The following TNKS variants were observed in gnomAD, a reference collection of about 807,000 sequenced individuals.
The protein encoded by TNKS is poly [ADP-ribose] polymerase tankyrase-1.
Under a neutral mutation model 135.8 loss-of-function variants are expected in TNKS, and 72 were observed. The ratio of observed to expected loss-of-function variants is 0.53; its 90% CI spans 0.44 to 0.64. The LOEUF (loss-of-function observed/expected upper bound fraction) is 0.64, where lower values mean the gene tolerates loss of function less well. Ranked by LOEUF, TNKS falls within the 30% of genes least tolerant of loss-of-function variation. The pLI, the probability that TNKS is intolerant of heterozygous loss-of-function variation, is 0.00. For missense variants in TNKS, 1,769 were observed against 1,674.0 expected (o/e 1.06, Z -0.99); for synonymous variants, 849 against 649.3 (o/e 1.31, Z -4.68).
Position 9,777,239 on chromosome 8 carries a change from C to G in TNKS, c.*503C>G, listed in dbSNP as rs1808270731. On this transcript the variant is annotated 3_prime_UTR_variant, in exon 27 of 27. Coordinates refer to ENST00000310430, the MANE Select transcript of TNKS (RefSeq NM_003747.3). ...GGTTACTTTGAAAATGAGCCAGAGCCTTCTTGAGGATATTTTGCACAAAGT... is the reference window on the plus strand; with the variant it reads ...GGTTACTTTGAAAATGAGCCAGAGCGTTCTTGAGGATATTTTGCACAAAGT... 6.4e-6 allele frequency: 1 copy of G among 155,724 alleles called. No individual in the cohort carries two copies. The highest frequency in any genetic ancestry group is 2.4e-5 in the African/African-American group (1 of 41,420). The allele number at this position is 155,724 out of a possible 1,614,324, so 9.6% of individuals were successfully genotyped here.
chr8:9,703,110 G>A (rs1803891097), intron 5 of TNKS, among the ~76,000 whole-genome samples: 1 of 152,154 alleles, frequency 6.6e-6, no homozygotes, highest in African/African-American at 2.4e-5. Context: ...TAACGTTTCA[G>A]GAGCCCGGTA....
At chr8:9,625,320 A>G (rs538917197) in intron 3 of TNKS, among the ~76,000 whole-genome samples, 20 of 151,720 alleles carry the variant, frequency 1.3e-4, no homozygotes, top group African/African-American at 4.4e-4. Context: ...TTCTTTGTCA[A>G]TTTTATTGAT....
chr8:9,780,528 G>T lies in TNKS; in HGVS notation c.*3792G>T, dbSNP rs757314589. The T allele has an allele frequency of 6.6e-6, 1 of 152,198 alleles. No homozygotes were observed. The highest frequency in any genetic ancestry group is 1.5e-5 in the Non-Finnish European group (1 of 68,028). 9.4% of individuals were successfully genotyped at this position (152,198 alleles called of 1,614,324 possible). On this transcript the variant is annotated 3_prime_UTR_variant, in exon 27 of 27. Coordinates refer to ENST00000310430, the MANE Select transcript of TNKS (RefSeq NM_003747.3). ...TTGTGAAAGTGATGTTTGAGCTATTGTACACATCTAGCATATGGAAAGCAA... is the reference window on the plus strand; with the variant it reads ...TTGTGAAAGTGATGTTTGAGCTATTTTACACATCTAGCATATGGAAAGCAA...
intron 3 of TNKS, among the ~76,000 whole-genome samples, chr8:9,636,151 G>A (rs556927607): frequency 3.9e-5 from 6 of 152,284 alleles, no homozygotes; most frequent in East Asian, 1.9e-4. Context: ...ATACCTATGT[G>A]CATAAACATA....
rs1802754000 is a variant in TNKS, at chr8:9,680,896, T to G, written c.1107+96T>G. 3.7e-6 allele frequency: 3 copies of G among 805,970 alleles called. No individual in the cohort carries two copies. The Admixed American group carries it at 6.5e-5, about 17-fold the overall frequency. The allele number at this position is 805,970 out of a possible 1,614,324, so 49.9% of individuals were successfully genotyped here. A position where few individuals can be genotyped will look rare whatever the true frequency, so the allele number is the denominator to read the frequency against. ...TATAAGCACGTATACCTACATGGCTTTATTTTAACTGGCATCTTTTCACTG... is the reference window on the plus strand; with the variant it reads ...TATAAGCACGTATACCTACATGGCTGTATTTTAACTGGCATCTTTTCACTG... On this transcript the variant is annotated intron_variant, in intron 5 of 26. Coordinates refer to ENST00000310430, the MANE Select transcript of TNKS (RefSeq NM_003747.3).
At chr8:9,769,119 G>T (rs1807642084) in intron 25 of TNKS, among the ~76,000 whole-genome samples, 1 of 152,206 alleles carries the variant, frequency 6.6e-6, no homozygotes, top group Admixed American at 6.5e-5. Flanking sequence ...AGGTTTTGCA[G>T]GTCATACAAT....
At chr8:9,752,411 A>G in intron 19 of TNKS, 133 bp from the exon 20 acceptor site, 1 of 611,970 alleles carries the variant, frequency 1.6e-6, no homozygotes, top group South Asian at 2.1e-5. Context: ...AAATCTGTGT[A>G]TTCTGTATTA....
At chr8:9,678,644 A>G (rs796481889) in intron 3 of TNKS, among the ~76,000 whole-genome samples, 14 of 152,340 alleles carry the variant, frequency 9.2e-5, no homozygotes, top group African/African-American at 3.4e-4. Flanking sequence ...AAGCTAAAGA[A>G]TATTTGCTAA....
intron 17 of TNKS, among the ~76,000 whole-genome samples, chr8:9,736,029 G>A (rs28444997): frequency 0.01 from 1,585 of 151,088 alleles, 22 homozygotes; most frequent in African/African-American, 0.037. Context: ...ACGTTATCAA[G>A]CACAATAATA....
intron 3 of TNKS, among the ~76,000 whole-genome samples, chr8:9,644,312 A>C (rs956950195): frequency 1.3e-5 from 2 of 152,188 alleles, no homozygotes; most frequent in Non-Finnish European, 2.9e-5. Context: ...AATAAATAAA[A>C]TGAACATTTT....
At chr8:9,624,263 C>T (rs2128768781) in intron 3 of TNKS, among the ~76,000 whole-genome samples, 1 of 152,272 alleles carries the variant, frequency 6.6e-6, no homozygotes, top group Non-Finnish European at 1.5e-5. Context: ...TGGATTAGAA[C>T]TTCAGCTACA....
intron 18 of TNKS, among the ~76,000 whole-genome samples, chr8:9,749,536 G>A (rs991588056): frequency 4.7e-5 from 7 of 149,800 alleles, no homozygotes; most frequent in African/African-American, 7.4e-5. Flanking sequence ...GTGCAGTGGC[G>A]TGATCATGGC....
chr8:9,657,239 CGGGCGGGGGGCCG>C (rs1801425380), intron 3 of TNKS, among the ~76,000 whole-genome samples: 4 of 125,778 alleles, frequency 3.2e-5, no homozygotes, highest in African/African-American at 5.8e-5. Flanking sequence ...GGCGGCTGGC[CGGGCGGGGGGCCG>C]ACCCCCCCAC....
In TNKS at chr8:9,764,801, A is replaced by G. The variant is rs1232294879; in HGVS notation, c.3447+11A>G. 4 of 1,582,336 alleles carry G rather than the reference A, an allele frequency of 2.5e-6. No homozygotes were observed. The highest frequency in any genetic ancestry group is 3.4e-6 in the Non-Finnish European group (4 of 1,166,660). ...TACAATGTCATTCGAGTAAGTTTTT[A>G]AAGTTTCATGGTGAAAACTGGATTG... On this transcript the variant is annotated intron_variant, in intron 23 of 26. Coordinates refer to ENST00000310430, the MANE Select transcript of TNKS (RefSeq NM_003747.3).
At chr8:9,662,810 A>G (rs909241108) in intron 3 of TNKS, among the ~76,000 whole-genome samples, 2 of 152,226 alleles carry the variant, frequency 1.3e-5, no homozygotes, top group African/African-American at 2.4e-5. Flanking sequence ...TTTGAGAGGC[A>G]TCATTCACTG....
At chr8:9,747,266 C>A (rs897000595) in intron 17 of TNKS, among the ~76,000 whole-genome samples, 1 of 142,526 alleles carries the variant, frequency 7.0e-6, no homozygotes, top group Non-Finnish European at 1.5e-5. Flanking sequence ...CCTTCCCCCC[C>A]TCAAAAAAAT....
intron 6 of TNKS, among the ~76,000 whole-genome samples, chr8:9,705,119 C>A (rs752435816): frequency 5.9e-5 from 9 of 152,174 alleles, no homozygotes; most frequent in African/African-American, 9.6e-5. Context: ...AAAGGATCAT[C>A]CTTTATTGAT....
chr8:9,592,736 G>C (rs1323915772), intron 2 of TNKS, among the ~76,000 whole-genome samples: 4 of 152,152 alleles, frequency 2.6e-5, no homozygotes, highest in Admixed American at 2.0e-4. Context: ...AAGAAGGCTT[G>C]ATTCTGTCTG....
chr8:9,650,519 A>G (rs7821007), intron 3 of TNKS, among the ~76,000 whole-genome samples: 11,194 of 152,248 alleles, frequency 0.074, 444 homozygotes, highest in South Asian at 0.17. Context: ...TACTTGCAGA[A>G]GTAAGATGGT....
Sources: allele counts gnomAD v4.1 joint callset (sites outside exome capture counted in the v4.1 genomes callset), GRCh38; gene constraint gnomAD v4.1.1; transcripts MANE v1.5; gene names NCBI Gene and HGNC (gene_info 2026-07-23, HGNC 2026-07-21).